Variants in ME1 observed in about 807,000 individuals in gnomAD.
The protein encoded by ME1 is malic enzyme 1.
Under a neutral mutation model 66.4 loss-of-function variants are expected in ME1, and 74 were observed. That is an observed-to-expected ratio of 1.11 (90% CI 0.92 to 1.35). The LOEUF (loss-of-function observed/expected upper bound fraction) is 1.35. ME1 is among the 40% of genes most tolerant of loss of function. ME1 has a pLI of 0.00. For synonymous variants in ME1, 251 were observed against 235.6 expected, an observed-to-expected ratio of 1.07 and a Z score of -0.60; for missense variants, 750 against 694.1, an observed-to-expected ratio of 1.08 and a Z score of -0.90.
rs111697157 is a variant in ME1 at position 83,270,510 on chromosome 6, G to T, written c.705-16772C>A. ...TCCTATAGTGATTAGAAACAGCTGA[G>T]AAACTGGGTTTCTCAGAACTGCACA... On this transcript the variant is annotated intron_variant, in intron 6 of 13. Transcript: ENST00000369705. Among the ~76,000 whole-genome samples, 998 of 152,154 alleles carry T rather than the reference G, an allele frequency of 6.6e-3. 24 individuals carry two copies. The highest frequency in any genetic ancestry group is 0.055 in the East Asian group (281 of 5,152).
chr6:83,399,290 C>A, intron 2 of ME1, among the ~76,000 whole-genome samples: 1 of 152,058 alleles, frequency 6.6e-6, no homozygotes, highest in East Asian at 1.9e-4. Context: ...GCCACCGCAC[C>A]CAGACAAGAA....
At chr6:83,309,867 AG>A (rs1022985900) in intron 6 of ME1, among the ~76,000 whole-genome samples, 1 of 152,084 alleles carries the variant, frequency 6.6e-6, no homozygotes, top group Non-Finnish European at 1.5e-5. Flanking sequence ...GAGGAAAGCA[AG>A]GGGAGTGTGC....
chr6:83,314,795 T>C (rs1767998439), intron 6 of ME1, among the ~76,000 whole-genome samples: 1 of 152,204 alleles, frequency 6.6e-6, no homozygotes, highest in African/African-American at 2.4e-5. Context: ...CAGAGATGCA[T>C]GGATCATGAT....
intron 3 of ME1, among the ~76,000 whole-genome samples, chr6:83,397,508 T>A (rs759615443): frequency 1.3e-5 from 2 of 152,206 alleles, no homozygotes; most frequent in Non-Finnish European, 2.9e-5. Context: ...AAGGAAACTC[T>A]TATTCACTGT....
chr6:83,412,820 T>TG (rs1415699219), intron 1 of ME1, among the ~76,000 whole-genome samples: 1 of 152,174 alleles, frequency 6.6e-6, no homozygotes, highest in Non-Finnish European at 1.5e-5. Flanking sequence ...TGCCAGGGAC[T>TG]GGGAGTGGAA....
At chr6:83,294,557 C>T (rs1418041063) in intron 6 of ME1, among the ~76,000 whole-genome samples, 1 of 152,200 alleles carries the variant, frequency 6.6e-6, no homozygotes, top group Non-Finnish European at 1.5e-5. Context: ...TGGCTGAACA[C>T]TACCAGTGAC....
intron 2 of ME1, among the ~76,000 whole-genome samples, chr6:83,399,200 T>G (rs13209363): frequency 0.25 from 38,395 of 150,826 alleles, 5,552 homozygotes; most frequent in Middle Eastern, 0.46. Flanking sequence ...TTCACCATGT[T>G]GGCCAGGCTG....
At chr6:83,400,046 T>C (rs920080949) in intron 2 of ME1, among the ~76,000 whole-genome samples, 2 of 152,214 alleles carry the variant, frequency 1.3e-5, no homozygotes, top group Non-Finnish European at 2.9e-5. Context: ...CTTTCTTTCA[T>C]TGACTTCCAA....
chr6:83,232,752 G>A (rs1452050123), intron 9 of ME1, among the ~76,000 whole-genome samples: 2 of 152,110 alleles, frequency 1.3e-5, no homozygotes, highest in Non-Finnish European at 2.9e-5. Context: ...TATATAGTCT[G>A]TAGTTTCAAG....
intron 6 of ME1, among the ~76,000 whole-genome samples, chr6:83,312,922 GT>G (rs1767958090): frequency 6.6e-6 from 1 of 151,982 alleles, no homozygotes; most frequent in Non-Finnish European, 1.5e-5. Flanking sequence ...CCTGGCTAAT[GT>G]TTTTGTATTT....
At chr6:83,347,595 T>A (rs745944636) in intron 4 of ME1, among the ~76,000 whole-genome samples, 1 of 152,146 alleles carries the variant, frequency 6.6e-6, no homozygotes, top group Non-Finnish European at 1.5e-5. Context: ...CCACTGTACA[T>A]CAGCACCTAG....
chr6:83,309,639 T>C (rs1469946896), intron 6 of ME1, among the ~76,000 whole-genome samples: 1 of 152,052 alleles, frequency 6.6e-6, no homozygotes, highest in Non-Finnish European at 1.5e-5. Context: ...GATTCTGAAG[T>C]TCAGAGAAGA....
chr6:83,255,515 A>C (rs1301826622), intron 6 of ME1, among the ~76,000 whole-genome samples: 2 of 151,960 alleles, frequency 1.3e-5, no homozygotes, highest in Non-Finnish European at 2.9e-5. Context: ...ACTATTAATG[A>C]AAATTTCCTC....
rs147142575 is a variant in ME1 at position 83,249,446 on chromosome 6, C to T, written c.814+4183G>A. On this transcript the variant is annotated intron_variant, in intron 7 of 13. Coordinates refer to ENST00000369705, the MANE Select transcript of ME1 (RefSeq NM_002395.6). ...TTCACCATATTGGCCAGGCTGGTCTCGAACTCCTGACTTCGTGATCCGCCC... is the reference window on the plus strand; with the variant it reads ...TTCACCATATTGGCCAGGCTGGTCTTGAACTCCTGACTTCGTGATCCGCCC... 9.6e-3 allele frequency among the ~76,000 whole-genome samples: 1,459 copies of T among 152,036 alleles called. 9 individuals carry two copies. Among genetic ancestry groups the T allele is most frequent in the South Asian group, 0.032 (152 of 4,814 alleles).
intron 5 of ME1, among the ~76,000 whole-genome samples, chr6:83,324,310 A>G (rs1246001759): frequency 4.0e-5 from 6 of 151,326 alleles, no homozygotes; most frequent in Admixed American, 2.0e-4. Context: ...ATTCAAAATC[A>G]AGCAGAAGAT....
intron 6 of ME1, among the ~76,000 whole-genome samples, chr6:83,278,460 G>C (rs189105144): frequency 2.6e-5 from 4 of 152,262 alleles, no homozygotes; most frequent in Admixed American, 6.5e-5. Flanking sequence ...TTTATTTTTA[G>C]AGAGGAGCTC....
At chr6:83,425,462 C>A (rs1033009948) in intron 1 of ME1, among the ~76,000 whole-genome samples, 4 of 151,968 alleles carry the variant, frequency 2.6e-5, no homozygotes, top group Non-Finnish European at 4.4e-5. Flanking sequence ...ACAATCATGG[C>A]GGGAGGGGAA....
intron 1 of ME1, among the ~76,000 whole-genome samples, chr6:83,427,183 C>T (rs534674055): frequency 6.6e-6 from 1 of 152,304 alleles, no homozygotes; most frequent in African/African-American, 2.4e-5. Flanking sequence ...TATTAAATCT[C>T]ATAAACATGA....
chr6:83,315,857 A>G (rs1768021346), intron 5 of ME1, among the ~76,000 whole-genome samples: 3 of 152,194 alleles, frequency 2.0e-5, no homozygotes, highest in Admixed American at 2.0e-4. Context: ...AGATCGCACC[A>G]CTGCACTCCA....
Sources: allele counts gnomAD v4.1 joint callset (sites outside exome capture counted in the v4.1 genomes callset), GRCh38; gene constraint gnomAD v4.1.1; transcripts MANE v1.5; gene names NCBI Gene and HGNC (gene_info 2026-07-23, HGNC 2026-07-21).